Variants in SLC25A19 observed in about 807,000 individuals in gnomAD.
SLC25A19 encodes solute carrier family 25 member 19.
SLC25A19 carries 18 observed loss-of-function variants against 27.9 expected under a neutral mutation model. That is an observed-to-expected ratio of 0.64 (90% CI 0.45 to 0.96). SLC25A19 has a LOEUF of 0.96. SLC25A19 is among the 40% of genes least tolerant of loss of function. SLC25A19 has a pLI of 0.00. For missense variants in SLC25A19, 371 were observed against 418.3 expected (o/e 0.89, Z 0.99); for synonymous variants, 169 against 167.1 (o/e 1.01, Z -0.09).
At chr17:75,283,701 C>A (rs1233996624) in intron 4 of SLC25A19, 108 bp from the exon 5 acceptor site, 3 of 1,048,700 alleles carry the variant, frequency 2.9e-6, no homozygotes, top group East Asian at 2.6e-5. Context: ...GGTGGAGGGG[C>A]GAGGAAAAGG....
intron 4 of SLC25A19, 145 bp downstream of exon 4, chr17:75,286,159 A>G: frequency 1.0e-6 from 1 of 973,718 alleles, no homozygotes; most frequent in South Asian, 1.3e-5. Flanking sequence ...CTGGTCAGGA[A>G]GGCTCCCGGG....
chr17:75,274,795 GAA>G (rs1465746029), intron 7 of SLC25A19, among the ~76,000 whole-genome samples: 6 of 151,892 alleles, frequency 4.0e-5, no homozygotes, highest in Non-Finnish European at 8.8e-5. Flanking sequence ...AGAAAGAAAA[GAA>G]AACAAACTCT....
At position 75,278,303 on chromosome 17, in the gene SLC25A19, G is replaced by A. The variant is rs2077948056; in HGVS notation, c.492C>T (p.Thr164=). ...CCTGGGGGCCTTCGCTCCTATACAT[G>A]GTCCCCACGGCGTGGCGCAGCGTAT... ...VYNTLRHAVG[T]MYRSEGPQVF... is the part of the protein sequence containing the mutation. The change falls in exon 6 of 8, where the codon ACC becomes ACT. Residue 164 remains threonine, a synonymous_variant. Coordinates refer to ENST00000416858, the MANE Select transcript of SLC25A19 (RefSeq NM_001126121.2). The A allele has an allele frequency of 4.3e-6, 7 of 1,614,096 alleles. No individual in the cohort carries two copies. The highest frequency in any genetic ancestry group is 2.2e-5 in the East Asian group (1 of 44,882).
rs1423876623 is a variant in SLC25A19, at chr17:75,273,348, AGCT to A, written c.*100_*102del. Reference sequence around the variant, plus strand: ...TCAAGGCTGCTACCCCGCTTGGGGCAGCTGGCCTGCAGGGAAGGGCCAGACGGC... The same window carrying A: ...TCAAGGCTGCTACCCCGCTTGGGGCAGGCCTGCAGGGAAGGGCCAGACGGC... On this transcript the variant is annotated 3_prime_UTR_variant, in exon 8 of 8. Coordinates refer to ENST00000416858, the MANE Select transcript of SLC25A19 (RefSeq NM_001126121.2). 16 of 1,341,596 alleles carry A rather than the reference AGCT, an allele frequency of 1.2e-5. No homozygotes were observed. In the East Asian group the frequency reaches 4.0e-4, roughly 34 times the overall value. The allele number at this position is 1,341,596 out of a possible 1,614,324, so 83.1% of individuals were successfully genotyped here.
At chr17:75,286,492 G>A (rs1371780797) in intron 3 of SLC25A19, 33 bp from the exon 4 acceptor site, 2 of 1,613,416 alleles carry the variant, frequency 1.2e-6, no homozygotes, top group African/African-American at 1.3e-5. Context: ...TCAGGACAGT[G>A]GGGTGGGCTG....
intron 5 of SLC25A19, among the ~76,000 whole-genome samples, chr17:75,281,040 A>T (rs1483007157): frequency 6.6e-6 from 1 of 151,808 alleles, no homozygotes; most frequent in East Asian, 1.9e-4. Context: ...AAAAAATAAA[A>T]AATTAGTCAG....
chr17:75,276,221 G>A (rs1433463833), intron 7 of SLC25A19, among the ~76,000 whole-genome samples: 2 of 152,224 alleles, frequency 1.3e-5, no homozygotes, highest in Non-Finnish European at 1.5e-5. Context: ...GTTGCAGTGA[G>A]CCGAGATCGT....
At chr17:75,281,094 A>G (rs762223921) in intron 5 of SLC25A19, among the ~76,000 whole-genome samples, 4 of 152,226 alleles carry the variant, frequency 2.6e-5, no homozygotes, top group Admixed American at 1.3e-4. Flanking sequence ...TGAGAGGTTG[A>G]GGCAGGAAGA....
chr17:75,286,658 A>C lies in SLC25A19; in HGVS notation c.107T>G (p.Phe36Cys). 1 of 1,614,168 alleles carries C rather than the reference A, an allele frequency of 6.2e-7. No homozygotes were observed. The highest frequency in any genetic ancestry group is 1.1e-5 in the South Asian group (1 of 91,080). Residue 36 changes from phenylalanine (F) to cysteine (C), a missense_variant, in exon 3 of 8, where the codon TTC (phenylalanine) becomes TGC (cysteine). Phe to Cys is a radical substitution (Grantham distance 205). Transcript: ENST00000416858. Reference protein sequence around the residue: ...GLVTRALISPFDVIKIRFQLQ... With the variant: ...GLVTRALISPCDVIKIRFQLQ... Reference sequence around the variant, plus strand: ...CTGGAAACGGATCTTGATGACGTCGAAGGGACTGATCAGCGCCCGAGTAAC... The same window carrying C: ...CTGGAAACGGATCTTGATGACGTCGCAGGGACTGATCAGCGCCCGAGTAAC...
chr17:75,279,302 G>A (rs905630452), intron 5 of SLC25A19, among the ~76,000 whole-genome samples: 1 of 152,020 alleles, frequency 6.6e-6, no homozygotes, highest in African/African-American at 2.4e-5. Flanking sequence ...TTGTAACCTT[G>A]ATACATCTTA....
At chr17:75,278,107 G>C (rs2145744491) in intron 6 of SLC25A19, 45 bp downstream of exon 6, 1 of 1,604,166 alleles carries the variant, frequency 6.2e-7, no homozygotes, top group African/African-American at 1.3e-5. Flanking sequence ...GGGTGTTCTG[G>C]TGGCTGGGGT....
intron 7 of SLC25A19, among the ~76,000 whole-genome samples, chr17:75,274,436 G>A (rs1208071827): frequency 1.3e-5 from 2 of 152,152 alleles, no homozygotes; most frequent in Non-Finnish European, 2.9e-5. Flanking sequence ...TCCTAGTGAC[G>A]ACATCATGAG....
chr17:75,278,908 G>A (rs1051346312), intron 5 of SLC25A19, among the ~76,000 whole-genome samples: 5 of 151,886 alleles, frequency 3.3e-5, no homozygotes, highest in Non-Finnish European at 7.4e-5. Flanking sequence ...GCTTGAACCT[G>A]GGAGGCGGAG....
In SLC25A19 at chr17:75,283,619, C is replaced by T. The variant is rs4788882; in HGVS notation, c.289-26G>A. 1 allele frequency: 1,606,703 copies of T among 1,608,914 alleles called. 802,272 individuals are homozygous for T. Among genetic ancestry groups the T allele is most frequent in the East Asian group, 1 (44,814 of 44,814 alleles). ...CTGCAAGAGTAAGTGAAGAAGTCAC[C>T]GACAGCCCAAAGGATGAGGGTGAGG... is the stretch of plus-strand genomic sequence containing the variant. On this transcript the variant is annotated intron_variant, in intron 4 of 7. Transcript: ENST00000416858.
At chr17:75,279,832 G>A (rs375855992) in intron 5 of SLC25A19, among the ~76,000 whole-genome samples, 8 of 152,134 alleles carry the variant, frequency 5.3e-5, no homozygotes, top group Admixed American at 3.9e-4. Flanking sequence ...TTTGAGACAG[G>A]ATATCTCACT....
intron 7 of SLC25A19, 156 bp from the exon 8 acceptor site, chr17:75,273,795 CTG>C: frequency 1.4e-6 from 1 of 715,656 alleles, no homozygotes; most frequent in South Asian, 1.7e-5. Context: ...GAGTCTCACT[CTG>C]TTGCCCAGGC....
chr17:75,281,021 C>G (rs937850314), intron 5 of SLC25A19, among the ~76,000 whole-genome samples: 1 of 148,328 alleles, frequency 6.7e-6, no homozygotes, highest in East Asian at 2.0e-4. Flanking sequence ...CCTGCCCCTA[C>G]AAAAAATAAA....
chr17:75,277,602 A>G, intron 6 of SLC25A19, 119 bp from the exon 7 acceptor site: 4 of 1,181,100 alleles, frequency 3.4e-6, no homozygotes, highest in Non-Finnish European at 5.0e-6. Flanking sequence ...GCGCACTTCT[A>G]TCTGACCTCC....
Position 75,278,019 on chromosome 17 carries a change from A to G in SLC25A19, c.643+133T>C, listed in dbSNP as rs1330973263. The G allele has an allele frequency of 5.5e-6, 5 of 916,064 alleles. No homozygotes were observed. The Admixed American group carries it at 1.0e-4, about 19-fold the overall frequency. 56.7% of individuals were successfully genotyped at this position (916,064 alleles called of 1,614,324 possible). A position where few individuals can be genotyped will look rare whatever the true frequency, so the allele number is the denominator to read the frequency against. ...AGCAGCTGCAGTTGTTTTGTTTGCC[A>G]CATTACAGAGCCAGGTACAGAGACC... On this transcript the variant is annotated intron_variant, in intron 6 of 7. Coordinates refer to ENST00000416858, the MANE Select transcript of SLC25A19 (RefSeq NM_001126121.2).
Sources: gnomAD v4.1 joint callset for allele counts (sites outside exome capture counted in the v4.1 genomes callset) on GRCh38, gnomAD v4.1.1 for gene constraint, MANE v1.5 for transcripts, NCBI Gene and HGNC (gene_info 2026-07-23, HGNC 2026-07-21) for gene names.